Variants in SNRPN observed in about 807,000 individuals in gnomAD.
SNRPN encodes the protein small nuclear ribonucleoprotein polypeptide N, also known as small nuclear ribonucleoprotein-associated protein N.
SNRPN carries 7 observed loss-of-function variants against 25.2 expected under a neutral mutation model. That is an observed-to-expected ratio of 0.28 (90% CI 0.16 to 0.52). The LOEUF (loss-of-function observed/expected upper bound fraction) is 0.52. Among genes scored for constraint, SNRPN ranks in the 20% least tolerant of loss-of-function variants. The pLI, the probability that SNRPN is intolerant of heterozygous loss-of-function variation, is 0.96. For missense variants in SNRPN, 196 were observed against 322.5 expected, an observed-to-expected ratio of 0.61 and a Z score of 3.00; for synonymous variants, 124 against 110.6, an observed-to-expected ratio of 1.12 and a Z score of -0.76.
At chr15:24,967,200 C>T (rs1170477846) in intron 2 of SNRPN, 1 of 152,340 alleles carries the variant, frequency 6.6e-6, no homozygotes, top group Admixed American at 6.5e-5. Context: ...AGGCTGCCAG[C>T]TCTTGTGTTT....
chr15:24,903,977 T>C (rs2058629600), intron 2 of SNRPN, among the ~76,000 whole-genome samples: 1 of 150,028 alleles, frequency 6.7e-6, no homozygotes, highest in African/African-American at 2.5e-5. Context: ...GCAGTTGCAG[T>C]GAGCAGAGCT....
At chr15:24,847,680 T>C (rs2052330098) in intron 2 of SNRPN, among the ~76,000 whole-genome samples, 1 of 152,108 alleles carries the variant, frequency 6.6e-6, no homozygotes, top group African/African-American at 2.4e-5. Flanking sequence ...AGTGGTGAAA[T>C]GCAATCCATA....
At chr15:24,958,451 G>A (rs1216367121) in intron 1 of SNRPN, among the ~76,000 whole-genome samples, 1 of 131,848 alleles carries the variant, frequency 7.6e-6, no homozygotes, top group Non-Finnish European at 1.6e-5. Flanking sequence ...ACTTAAGGTA[G>A]CCTCTCTCCA....
chr15:24,938,572 G>A (rs886258711), intron 3 of SNRPN, among the ~76,000 whole-genome samples: 1 of 152,176 alleles, frequency 6.6e-6, no homozygotes, highest in Admixed American at 6.6e-5. Flanking sequence ...ACCATGCCTG[G>A]CCAATTGAAG....
At chr15:24,857,799 G>A (rs758224585) in intron 1 of SNRPN, among the ~76,000 whole-genome samples, 7 of 152,092 alleles carry the variant, frequency 4.6e-5, no homozygotes, top group Admixed American at 1.3e-4. Flanking sequence ...ACCCAGAGCC[G>A]GCTGTGCAGG....
chr15:24,851,869 T>C (rs2145802951), upstream of SNRPN: 1 of 152,312 alleles, frequency 6.6e-6, no homozygotes, highest in East Asian at 1.9e-4. Context: ...CCTTTCTCCA[T>C]CACTGAGACT....
chr15:24,969,270 A>C lies in SNRPN; in HGVS notation c.-144+1188A>C, dbSNP rs564630426. ...CAGCCTCCCAAGTATCTGGGATTAT[A>C]GGCACCCACCACCACACCTGGCTAA... On this transcript the variant is annotated intron_variant, in intron 3 of 9. Transcript: ENST00000390687. Among the ~76,000 whole-genome samples, 3 of 152,220 alleles carry C rather than the reference A, an allele frequency of 2.0e-5. No individual in the cohort carries two copies. The South Asian group carries it at 6.2e-4, about 32-fold the overall frequency.
intron 3 of SNRPN, among the ~76,000 whole-genome samples, chr15:24,926,863 T>C (rs986073253): frequency 6.6e-6 from 1 of 151,456 alleles, no homozygotes; most frequent in South Asian, 2.1e-4. Context: ...ATGTAAAAGT[T>C]AGTTGGGTGT....
rs1302511592 is a variant in SNRPN, at chr15:24,977,206, T to C, written c.420+177T>C. Among the ~76,000 whole-genome samples the C allele has an allele frequency of 3.9e-5, 6 of 152,222 alleles. No individual in the cohort carries two copies. In the South Asian group the frequency reaches 1.2e-3, roughly 31 times the overall value. On this transcript the variant is annotated intron_variant, in intron 7 of 9. Coordinates refer to ENST00000390687, the MANE Select transcript of SNRPN (RefSeq NM_003097.6). ...TAAAACTAGCTGCTTAAAATGGTCATTGGGTGATTAAAGTTACCCAGGTTA... is the reference window on the plus strand; with the variant it reads ...TAAAACTAGCTGCTTAAAATGGTCACTGGGTGATTAAAGTTACCCAGGTTA...
intron 2 of SNRPN, among the ~76,000 whole-genome samples, chr15:24,897,101 C>CA (rs2058124375): frequency 6.6e-6 from 1 of 152,062 alleles, no homozygotes; most frequent in East Asian, 1.9e-4. Flanking sequence ...TGCAGTGAGT[C>CA]AAAATCACCC....
At chr15:24,976,241 A>G in intron 5 of SNRPN, 64 bp from the exon 6 acceptor site, 3 of 1,224,806 alleles carry the variant, frequency 2.4e-6, no homozygotes, top group Non-Finnish European at 3.6e-6. Context: ...GAGGTTGTAT[A>G]AATATTTTGA....
chr15:24,864,339 CTTTTTTTTTT>C (rs58622804), intron 1 of SNRPN, among the ~76,000 whole-genome samples: 1 of 117,276 alleles, frequency 8.5e-6, no homozygotes, highest in Non-Finnish European at 1.7e-5. Context: ...CTCTTCTTTT[CTTTTTTTTTT>C]TTTTTTTTTT....
chr15:24,873,378 G>A lies in SNRPN; in HGVS notation c.-578-13138G>A, dbSNP rs1275722505. Among the ~76,000 whole-genome samples, 7 of 115,172 alleles carry A rather than the reference G, an allele frequency of 6.1e-5. 1 individual carries two copies. The highest frequency in any genetic ancestry group is 5.9e-4 in the Admixed American group (6 of 10,180). 75.6% of individuals were successfully genotyped at this position (115,172 alleles called of 152,430 possible). On this transcript the variant is annotated intron_variant, in intron 1 of 11. Coordinates refer to the SNRPN transcript ENST00000400097. ...GTATTGCTCAGTCACCCAGGCTGGA[G>A]TGCAATGGCACGATCCCGACTCACT... is the stretch of plus-strand genomic sequence containing the variant.
chr15:24,912,978 C>T (rs566751007), intron 2 of SNRPN, among the ~76,000 whole-genome samples: 92 of 152,188 alleles, frequency 6.0e-4, no homozygotes, highest in Admixed American at 1.0e-3. Context: ...CTCGCTTTGT[C>T]GCCCAGGCTG....
intron 2 of SNRPN, among the ~76,000 whole-genome samples, chr15:24,891,702 T>C (rs1172396868): frequency 6.6e-6 from 1 of 152,154 alleles, no homozygotes; most frequent in East Asian, 1.9e-4. Context: ...CCTCCCAAAG[T>C]GTTGGGATTA....
intron 2 of SNRPN, among the ~76,000 whole-genome samples, chr15:24,839,404 A>G (rs902797531): frequency 6.6e-6 from 1 of 152,124 alleles, no homozygotes; most frequent in Non-Finnish European, 1.5e-5. Flanking sequence ...TGGTAGTATC[A>G]GCATCCACAA....
intron 2 of SNRPN, among the ~76,000 whole-genome samples, chr15:24,889,464 A>G (rs1403105246): frequency 5.3e-5 from 8 of 151,178 alleles, no homozygotes; most frequent in East Asian, 4.0e-4. Context: ...CACCACGCCC[A>G]GCTAATTTTT....
intron 3 of SNRPN, among the ~76,000 whole-genome samples, chr15:24,969,983 A>G (rs2076195040): frequency 6.6e-6 from 1 of 152,258 alleles, no homozygotes; most frequent in Admixed American, 6.5e-5. Context: ...TATTTAAAAG[A>G]AAATAATTGG....
Position 24,977,762 on chromosome 15 carries a change from C to T in SNRPN, c.421-16C>T, listed in dbSNP as rs754001796. Reference sequence around the variant, plus strand: ...GGTTTGCATCGCTTTGACTGTTTCCCGCCCTGCCTTCTCAGGTAATGACTC... The same window carrying T: ...GGTTTGCATCGCTTTGACTGTTTCCTGCCCTGCCTTCTCAGGTAATGACTC... On this transcript the variant is annotated splice_polypyrimidine_tract_variant and intron_variant, in intron 7 of 9. Transcript: ENST00000390687. The T allele has an allele frequency of 1.0e-5, 16 of 1,578,204 alleles. No individual in the cohort carries two copies. Among genetic ancestry groups the T allele is most frequent in the East Asian group, 2.3e-5 (1 of 44,162 alleles).
Sources: gnomAD v4.1 joint callset for allele counts (sites outside exome capture counted in the v4.1 genomes callset) on GRCh38, gnomAD v4.1.1 for gene constraint, MANE v1.5 for transcripts, NCBI Gene and HGNC (gene_info 2026-07-23, HGNC 2026-07-21) for gene names.